Variants in POLR1A observed in about 807,000 individuals in gnomAD.
POLR1A encodes the protein DNA-directed RNA polymerase I subunit RPA1.
In POLR1A, 84 loss-of-function variants were observed where a neutral mutation model predicts 205.3. The ratio of observed to expected loss-of-function variants is 0.41; its 90% CI spans 0.34 to 0.49. POLR1A has a LOEUF of 0.49. Among genes scored for constraint, POLR1A ranks in the 20% least tolerant of loss-of-function variants. The pLI is 0.22. For synonymous variants in POLR1A, 799 were observed against 863.7 expected, an observed-to-expected ratio of 0.93 and a Z score of 1.31; for missense variants, 1,645 against 2,204.5, an observed-to-expected ratio of 0.75 and a Z score of 5.08.
intron 27 of POLR1A, among the ~76,000 whole-genome samples, chr2:86,036,643 G>A (rs994075563): frequency 4.6e-5 from 7 of 152,196 alleles, no homozygotes; most frequent in African/African-American, 1.2e-4. Flanking sequence ...CAGCTGCTCT[G>A]CTGCCTGGGG....
At position 86,049,262 on chromosome 2, in the gene POLR1A, A is replaced by T; in HGVS notation, c.2393-20T>A. Reference sequence around the variant, plus strand: ...CCACGCCTGTGAAGTGAAACAGACAAGCTTGTAGGCGACCTCAGGCCTGAT... The same window carrying T: ...CCACGCCTGTGAAGTGAAACAGACATGCTTGTAGGCGACCTCAGGCCTGAT... On this transcript the variant is annotated intron_variant, in intron 16 of 33. Transcript: ENST00000263857. The T allele has an allele frequency of 3.8e-6, 6 of 1,595,090 alleles. No homozygotes were observed. Among genetic ancestry groups the T allele is most frequent in the Non-Finnish European group, 5.2e-6 (6 of 1,162,958 alleles).
chr2:86,073,556 C>G (rs1673217997), intron 12 of POLR1A, among the ~76,000 whole-genome samples: 1 of 152,194 alleles, frequency 6.6e-6, no homozygotes, highest in South Asian at 2.1e-4. Flanking sequence ...CTCTCCCTGC[C>G]CACTTGCCCT....
At chr2:86,057,748 G>C (rs560720457) in intron 14 of POLR1A, among the ~76,000 whole-genome samples, 2 of 152,266 alleles carry the variant, frequency 1.3e-5, no homozygotes, top group Non-Finnish European at 2.9e-5. Context: ...TCCAAAACAG[G>C]CTAATTCATA....
intron 23 of POLR1A, among the ~76,000 whole-genome samples, 164 bp from the exon 24 acceptor site, chr2:86,042,267 T>A (rs1179987132): frequency 6.6e-6 from 1 of 152,192 alleles, no homozygotes. Flanking sequence ...CAACCTGTCC[T>A]AGGGCACCCT....
intron 13 of POLR1A, 56 bp downstream of exon 13, chr2:86,069,962 A>T: frequency 6.4e-7 from 1 of 1,564,728 alleles, no homozygotes; most frequent in East Asian, 2.3e-5. Flanking sequence ...GGCCCAACTT[A>T]AAAGTGCTAA....
Position 86,070,303 on chromosome 2 carries a change from G to A in POLR1A, c.1612-31C>T. On this transcript the variant is annotated intron_variant, in intron 12 of 33. Coordinates refer to ENST00000263857, the MANE Select transcript of POLR1A (RefSeq NM_015425.6). This position sits in a 1 kb window ranked among gnomAD's most constrained non-coding sequence, Gnocchi z 4.4. ...AACAGAGTGGACAGGTGGGTGATCAGTGCAAACGTCAGTATCACCACGGCT... is the reference window on the plus strand; with the variant it reads ...AACAGAGTGGACAGGTGGGTGATCAATGCAAACGTCAGTATCACCACGGCT... 6.4e-7 allele frequency: 1 copy of A among 1,570,878 alleles called. No homozygotes were observed.
chr2:86,105,792 T>A lies in POLR1A; in HGVS notation c.-16A>T. 6.2e-7 allele frequency: 1 copy of A among 1,609,902 alleles called. No homozygotes were observed. Among genetic ancestry groups the A allele is most frequent in the Non-Finnish European group, 8.5e-7 (1 of 1,176,140 alleles). The stretch of plus-strand genomic sequence containing the variant: ...AGATCAACATCCTCCAGGTCCGTTT[T>A]GAATTCCGACACCCCAAGAGACGTT... On this transcript the variant is annotated 5_prime_UTR_variant, in exon 1 of 34. Coordinates refer to ENST00000263857, the MANE Select transcript of POLR1A (RefSeq NM_015425.6).
Position 86,024,743 on chromosome 2 carries a change from T to C in POLR1A, c.*2680A>G, listed in dbSNP as rs1256867896. On this transcript the variant is annotated 3_prime_UTR_variant, in exon 34 of 34. Transcript: ENST00000263857. ...GTCTCTACAAAACAAATAAAAAAAC[T>C]GTTAGAAGCAAGCAAGTAGGTATGG... The C allele has an allele frequency of 1.3e-5, 2 of 151,678 alleles. No homozygotes were observed. The highest frequency in any genetic ancestry group is 4.9e-5 in the African/African-American group (2 of 41,218). 9.4% of individuals were successfully genotyped at this position (151,678 alleles called of 1,614,324 possible).
At chr2:86,040,704 A>C (rs1370254056) in intron 24 of POLR1A, 145 bp from the exon 25 acceptor site, 5 of 598,200 alleles carry the variant, frequency 8.4e-6, no homozygotes, top group Non-Finnish European at 1.4e-5. Flanking sequence ...AGATCCCTCT[A>C]ATCTTCAAAT....
At chr2:86,085,151 C>T (rs10187547) in intron 6 of POLR1A, among the ~76,000 whole-genome samples, 99,580 of 151,948 alleles carry the variant, frequency 0.66, 38,409 homozygotes, top group Non-Finnish European at 0.84. Context: ...TTAGTAGAGA[C>T]GGGGTTTCAC....
rs1364844020 is a variant in POLR1A at position 86,024,447 on chromosome 2, T to G, written c.*2976A>C. 2 of 152,338 alleles carry G rather than the reference T, an allele frequency of 1.3e-5. No individual in the cohort carries two copies. Among genetic ancestry groups the G allele is most frequent in the African/African-American group, 4.8e-5 (2 of 41,432 alleles). The allele number at this position is 152,338 out of a possible 1,614,324, so 9.4% of individuals were successfully genotyped here. A position where few individuals can be genotyped will look rare whatever the true frequency, so the allele number is the denominator to read the frequency against. Reference sequence around the variant, plus strand: ...GGGCAAAGTGAAGAGAAAAGAAGGTTCAAGTTCCAGACTGGGGATGAGACA... The same window carrying G: ...GGGCAAAGTGAAGAGAAAAGAAGGTGCAAGTTCCAGACTGGGGATGAGACA... On this transcript the variant is annotated 3_prime_UTR_variant, in exon 34 of 34. Transcript: ENST00000263857.
intron 15 of POLR1A, 23 bp downstream of exon 15, chr2:86,054,117 T>C: frequency 6.2e-7 from 1 of 1,613,040 alleles, no homozygotes; most frequent in Non-Finnish European, 8.5e-7. Flanking sequence ...AAGTCTCCAC[T>C]CCACACAGCT....
chr2:86,095,730 CTTT>C (rs3077170), intron 3 of POLR1A, among the ~76,000 whole-genome samples: 182 of 141,688 alleles, frequency 1.3e-3, no homozygotes, highest in Middle Eastern at 3.6e-3. Context: ...ATATTCTTTT[CTTT>C]TTTTTTTTTT....
rs1262675298 is a variant in POLR1A at position 86,065,370 on chromosome 2, C to T, written c.1962G>A (p.Met654Ile). ...RGCFFTREHY[M>I]ELVYRGLTDK... ...CCGTGAGTCCTCGGTACACCAGCTC[C>T]ATATAGTGCTCCCGGGTGAAAAAGC... Residue 654 changes from methionine to isoleucine, a missense_variant, in exon 14 of 34, where the codon ATG becomes ATA. This residue lies in a region of POLR1A where 339 missense variants were observed against 415.1 expected (regional missense o/e 0.82). Transcript: ENST00000263857. 1 of 1,614,184 alleles carries T rather than the reference C, an allele frequency of 6.2e-7. No homozygotes were observed. The highest frequency in any genetic ancestry group is 2.2e-5 in the East Asian group (1 of 44,888).
chr2:86,038,933 C>T, intron 26 of POLR1A, 76 bp from the exon 27 acceptor site: 1 of 1,371,244 alleles, frequency 7.3e-7, no homozygotes, highest in Non-Finnish European at 1.0e-6. Context: ...GGTTACGAGA[C>T]CCAAGGGTTT....
chr2:86,060,900 A>G (rs1672981448), intron 14 of POLR1A, among the ~76,000 whole-genome samples: 1 of 152,224 alleles, frequency 6.6e-6, no homozygotes, highest in African/African-American at 2.4e-5. Context: ...GGTATTTGCA[A>G]TGTATATATC....
chr2:86,070,695 TCCC>T lies in POLR1A; in HGVS notation c.1612-426_1612-424del, dbSNP rs56392642. Among the ~76,000 whole-genome samples the T allele has an allele frequency of 9.4e-6, 1 of 106,800 alleles. No homozygotes were observed. The highest frequency in any genetic ancestry group is 2.1e-5 in the Non-Finnish European group (1 of 48,096). 70.1% of individuals were successfully genotyped at this position (106,800 alleles called of 152,430 possible). A position where few individuals can be genotyped will look rare whatever the true frequency, so the allele number is the denominator to read the frequency against. On this transcript the variant is annotated intron_variant, in intron 12 of 33. Transcript: ENST00000263857. This position sits in a 1 kb window ranked among gnomAD's most constrained non-coding sequence, Gnocchi z 4.4. ...TGAAAGGCATTGGCAGACTTTCGAA[TCCC>T]CCCCCCGCCGTGATCACATGTGAGT...
At chr2:86,086,059 CTTTTT>C (rs70953983) in intron 6 of POLR1A, among the ~76,000 whole-genome samples, 2 of 148,934 alleles carry the variant, frequency 1.3e-5, no homozygotes, top group Non-Finnish European at 3.0e-5. Flanking sequence ...ACAGCCCTCA[CTTTTT>C]TTTTTTTCTT....
Position 86,100,212 on chromosome 2 carries a change from C to T in POLR1A, c.78-40G>A, listed in dbSNP as rs766448744. ...AAGACCAAGAGGAAAGCTAAAGTTACCAACCTCTCTGATGTTTCCTTTCCA... is the reference window on the plus strand; with the variant it reads ...AAGACCAAGAGGAAAGCTAAAGTTATCAACCTCTCTGATGTTTCCTTTCCA... On this transcript the variant is annotated intron_variant, in intron 1 of 33. Transcript: ENST00000263857. The T allele has an allele frequency of 3.3e-5, 48 of 1,455,214 alleles. No homozygotes were observed. The East Asian group carries it at 9.7e-4, about 30-fold the overall frequency. The allele number at this position is 1,455,214 out of a possible 1,614,324, so 90.1% of individuals were successfully genotyped here. A position where few individuals can be genotyped will look rare whatever the true frequency, so the allele number is the denominator to read the frequency against.
Sources: allele counts gnomAD v4.1 joint callset (sites outside exome capture counted in the v4.1 genomes callset), GRCh38; gene constraint gnomAD v4.1.1; regional missense constraint gnomAD v4.1.1; non-coding constraint Gnocchi (gnomAD v3.1); transcripts MANE v1.5; gene names NCBI Gene and HGNC (gene_info 2026-07-23, HGNC 2026-07-21).